The following DDX10 variants were observed in gnomAD, a reference collection of about 807,000 sequenced individuals.
The protein encoded by DDX10 is DEAD-box helicase 10.
A neutral mutation model predicts 104.3 loss-of-function variants in DDX10; 74 were observed. That is an observed-to-expected ratio of 0.71 (90% CI 0.59 to 0.86). The LOEUF is 0.86. DDX10 is among the 40% of genes least tolerant of loss of function. DDX10 has a pLI of 0.00. For synonymous variants in DDX10, 351 were observed against 353.4 expected (o/e 0.99, Z 0.08); for missense variants, 952 against 1,040.0 (o/e 0.92, Z 1.16).
chr11:108,671,758 C>G (rs1275784594), intron 1 of DDX10, among the ~76,000 whole-genome samples: 1 of 152,116 alleles, frequency 6.6e-6, no homozygotes, highest in African/African-American at 2.4e-5. Flanking sequence ...TCAACAGAAT[C>G]AAAAGTTCCT....
At chr11:108,677,716 A>G (rs995816999) in intron 4 of DDX10, among the ~76,000 whole-genome samples, 11 of 147,428 alleles carry the variant, frequency 7.5e-5, no homozygotes, top group African/African-American at 1.8e-4. Flanking sequence ...GAATGCCTCT[A>G]TCTGCTAGAA....
At chr11:108,768,926 A>C (rs2094359582) in intron 13 of DDX10, among the ~76,000 whole-genome samples, 1 of 151,764 alleles carries the variant, frequency 6.6e-6, no homozygotes, top group African/African-American at 2.4e-5. Context: ...CTGTCTGAAA[A>C]TGTTTTTGTT....
chr11:108,828,619 CTTAATTTTAAGACTACAGT>C (rs1862428902), intron 13 of DDX10, among the ~76,000 whole-genome samples: 3 of 151,974 alleles, frequency 2.0e-5, no homozygotes, highest in Admixed American at 1.3e-4. Flanking sequence ...TTAGGTGGGT[CTTAATTTTAAGACTACAGT>C]TTAATTTTAA....
intron 10 of DDX10, among the ~76,000 whole-genome samples, chr11:108,709,175 C>T (rs1039827834): frequency 3.3e-5 from 5 of 152,214 alleles, no homozygotes; most frequent in Admixed American, 1.3e-4. Flanking sequence ...CTGATCTTAG[C>T]GGGAGAGCTT....
intron 13 of DDX10, among the ~76,000 whole-genome samples, chr11:108,752,559 T>C (rs138981202): frequency 5.3e-5 from 8 of 152,252 alleles, no homozygotes; most frequent in Non-Finnish European, 1.2e-4. Context: ...TGTGTACTTA[T>C]GGATGTCTGT....
chr11:108,678,291 A>G (rs1162675154), intron 4 of DDX10, 24 bp from the exon 5 acceptor site: 1 of 1,604,776 alleles, frequency 6.2e-7, no homozygotes, highest in East Asian at 2.2e-5. Context: ...TGTCTGTGTA[A>G]TCAAAATAAA....
chr11:108,820,200 A>G (rs922785370), intron 13 of DDX10, among the ~76,000 whole-genome samples: 1 of 152,204 alleles, frequency 6.6e-6, no homozygotes, highest in Admixed American at 6.5e-5. Flanking sequence ...TGTTTGGCAC[A>G]TGGCATCTGT....
intron 17 of DDX10, among the ~76,000 whole-genome samples, chr11:108,926,076 G>A (rs1863904835): frequency 6.6e-6 from 1 of 152,120 alleles, no homozygotes; most frequent in Admixed American, 6.5e-5. Flanking sequence ...AGCACAAAAT[G>A]TTCTACATGC....
At chr11:108,802,033 G>GTGTGTGTGTT (rs1393209916) in intron 13 of DDX10, among the ~76,000 whole-genome samples, 2 of 151,574 alleles carry the variant, frequency 1.3e-5, no homozygotes, top group African/African-American at 2.4e-5. Context: ...GTGTGTGTGT[G>GTGTGTGTGTT]TGTTTGTGTG....
At chr11:108,735,704 A>G (rs1450851389) in intron 13 of DDX10, among the ~76,000 whole-genome samples, 1 of 109,244 alleles carries the variant, frequency 9.2e-6, no homozygotes, top group Non-Finnish European at 2.3e-5. Context: ...TTATTTCAAG[A>G]ACATTAAAAA....
Position 108,665,300 on chromosome 11 carries a change from G to A in DDX10, c.147G>A (p.Glu49=), listed in dbSNP as rs1423888024. 4 of 1,605,538 alleles carry A rather than the reference G, an allele frequency of 2.5e-6. No individual in the cohort carries two copies. Among genetic ancestry groups the A allele is most frequent in the South Asian group, 1.1e-5 (1 of 89,766 alleles). Residue 49 remains glutamate (E), a synonymous_variant, in exon 1 of 18, where the codon GAG becomes GAA. Transcript: ENST00000322536. ...KQLKKPEWQV[E]RESISRLMQN... ...TGAAGAAACCCGAATGGCAGGTCGAGCGCGAGAGTATCAGCCGCCTCATGC... is the reference window on the plus strand; with the variant it reads ...TGAAGAAACCCGAATGGCAGGTCGAACGCGAGAGTATCAGCCGCCTCATGC...
chr11:108,786,795 C>A (rs1052078349), intron 13 of DDX10, among the ~76,000 whole-genome samples: 1 of 152,160 alleles, frequency 6.6e-6, no homozygotes, highest in African/African-American at 2.4e-5. Context: ...GCCTTTTTAT[C>A]CATCTTGCCA....
At chr11:108,938,221 G>C (rs977194719) in intron 17 of DDX10, among the ~76,000 whole-genome samples, 3 of 152,166 alleles carry the variant, frequency 2.0e-5, no homozygotes, top group African/African-American at 7.2e-5. Context: ...TTGTTATACA[G>C]ATTGCTGCTT....
At chr11:108,908,863 T>C (rs1170700782) in intron 16 of DDX10, among the ~76,000 whole-genome samples, 1 of 152,232 alleles carries the variant, frequency 6.6e-6, no homozygotes, top group African/African-American at 2.4e-5. Flanking sequence ...ACCTGCACAG[T>C]CGTCCTGTGA....
intron 13 of DDX10, among the ~76,000 whole-genome samples, chr11:108,759,195 A>G (rs1348479497): frequency 3.3e-5 from 5 of 152,218 alleles, no homozygotes; most frequent in Non-Finnish European, 7.4e-5. Flanking sequence ...CTCAGATGCT[A>G]TTTAAATTAT....
intron 16 of DDX10, among the ~76,000 whole-genome samples, chr11:108,894,133 A>G (rs1863411166): frequency 6.6e-6 from 1 of 152,036 alleles, no homozygotes; most frequent in South Asian, 2.1e-4. Context: ...TGAACTAGTT[A>G]ATTGGTTTTC....
At chr11:108,682,918 A>C (rs1045956429) in intron 6 of DDX10, among the ~76,000 whole-genome samples, 1 of 151,846 alleles carries the variant, frequency 6.6e-6, no homozygotes, top group Non-Finnish European at 1.5e-5. Context: ...TTGTACTCTA[A>C]GTTCCATTAT....
At chr11:108,938,470 G>T (rs890549899) in intron 17 of DDX10, among the ~76,000 whole-genome samples, 1 of 152,190 alleles carries the variant, frequency 6.6e-6, no homozygotes, top group South Asian at 2.1e-4. Flanking sequence ...TGATGTATAG[G>T]CAGAGCAAAT....
intron 13 of DDX10, among the ~76,000 whole-genome samples, chr11:108,822,005 A>G (rs1224756079): frequency 6.6e-6 from 1 of 152,266 alleles, no homozygotes; most frequent in Non-Finnish European, 1.5e-5. Flanking sequence ...AACCAGTTAT[A>G]TAAATCTAAA....
Sources: gnomAD v4.1 joint callset for allele counts (sites outside exome capture counted in the v4.1 genomes callset) on GRCh38, gnomAD v4.1.1 for gene constraint, MANE v1.5 for transcripts, NCBI Gene and HGNC (gene_info 2026-07-23, HGNC 2026-07-21) for gene names.